Variants in CRTAC1 observed in about 807,000 individuals in gnomAD.
The protein encoded by CRTAC1 is acidic secreted protein in cartilage.
CRTAC1 carries 37 observed loss-of-function variants against 67.8 expected under a neutral mutation model. That is an observed-to-expected ratio of 0.55 (90% CI 0.42 to 0.72). The LOEUF (loss-of-function observed/expected upper bound fraction) is 0.72. Among genes scored for constraint, CRTAC1 ranks in the 30% least tolerant of loss-of-function variants. CRTAC1 has a pLI of 0.00. For synonymous variants in CRTAC1, 348 were observed against 371.0 expected, an observed-to-expected ratio of 0.94 and a Z score of 0.71; for missense variants, 780 against 931.6, an observed-to-expected ratio of 0.84 and a Z score of 2.12.
At chr10:97,981,135 G>T (rs2051885034) in intron 2 of CRTAC1, among the ~76,000 whole-genome samples, 1 of 152,106 alleles carries the variant, frequency 6.6e-6, no homozygotes, top group South Asian at 2.1e-4. Flanking sequence ...TCATCCTGAA[G>T]ATCTGAAATG....
intron 12 of CRTAC1, among the ~76,000 whole-genome samples, chr10:97,883,676 G>A (rs1564876441): frequency 6.6e-6 from 1 of 152,172 alleles, no homozygotes; most frequent in Admixed American, 6.5e-5. Flanking sequence ...CTTCATTTGT[G>A]TCAGTTTCAG....
rs541557449 is a variant in CRTAC1, at chr10:98,023,089, C to A, written c.24+7360G>T. 2.0e-5 allele frequency among the ~76,000 whole-genome samples: 3 copies of A among 152,262 alleles called. No homozygotes were observed. The South Asian group carries it at 6.2e-4, about 32-fold the overall frequency. On this transcript the variant is annotated intron_variant, in intron 1 of 14. Coordinates refer to ENST00000370597, the MANE Select transcript of CRTAC1 (RefSeq NM_018058.7). ...TTCCATGCAGTCTATCAGCTTCAAG[C>A]AAAGTAAACCTGCACTGAGCTTCCC...
chr10:97,888,706 G>A (rs1282242110), intron 11 of CRTAC1, among the ~76,000 whole-genome samples: 2 of 152,130 alleles, frequency 1.3e-5, no homozygotes, highest in Non-Finnish European at 2.9e-5. Context: ...ACGGGCTGAG[G>A]GGGACTGGCT....
chr10:97,957,047 C>T, intron 2 of CRTAC1, among the ~76,000 whole-genome samples: 1 of 151,652 alleles, frequency 6.6e-6, no homozygotes, highest in Middle Eastern at 3.2e-3. Context: ...AGCTCCTGGG[C>T]TCAGTGATCC....
chr10:98,008,456 C>A (rs1353637509), intron 2 of CRTAC1, among the ~76,000 whole-genome samples: 1 of 151,722 alleles, frequency 6.6e-6, no homozygotes, highest in Non-Finnish European at 1.5e-5. Context: ...GGGTCTCCTG[C>A]AACAGCCAGG....
At chr10:97,993,435 C>T (rs989522124) in intron 2 of CRTAC1, among the ~76,000 whole-genome samples, 3 of 152,198 alleles carry the variant, frequency 2.0e-5, no homozygotes, top group African/African-American at 7.2e-5. Flanking sequence ...AGTGTCTTCG[C>T]TGTAGCAAAT....
At chr10:97,922,021 C>G (rs1330663525) in intron 4 of CRTAC1, among the ~76,000 whole-genome samples, 7 of 152,108 alleles carry the variant, frequency 4.6e-5, no homozygotes, top group South Asian at 4.1e-4. Flanking sequence ...GCCTCTCCCC[C>G]CAGTTCTCTG....
At chr10:97,959,124 A>T (rs2051484867) in intron 2 of CRTAC1, among the ~76,000 whole-genome samples, 1 of 152,218 alleles carries the variant, frequency 6.6e-6, no homozygotes, top group South Asian at 2.1e-4. Context: ...ACCAGTAATA[A>T]GTAAATGGTA....
intron 11 of CRTAC1, among the ~76,000 whole-genome samples, chr10:97,892,561 G>C (rs1182855067): frequency 6.6e-6 from 1 of 152,202 alleles, no homozygotes; most frequent in East Asian, 1.9e-4. Flanking sequence ...TGTGTGGTTT[G>C]GGGCAAGTTA....
intron 7 of CRTAC1, among the ~76,000 whole-genome samples, chr10:97,902,892 G>T (rs1189024336): frequency 6.6e-6 from 1 of 151,946 alleles, no homozygotes; most frequent in Admixed American, 6.6e-5. Flanking sequence ...CTGGCCAGCT[G>T]GTCTGGGTGG....
At chr10:98,028,663 G>A (rs921114243) in intron 1 of CRTAC1, among the ~76,000 whole-genome samples, 3 of 152,246 alleles carry the variant, frequency 2.0e-5, no homozygotes, top group African/African-American at 7.2e-5. Flanking sequence ...GAGAAGGGAA[G>A]AAAGAGCAAC....
At position 97,923,424 on chromosome 10, in the gene CRTAC1, G is replaced by T. The variant is rs186950167; in HGVS notation, c.422-24C>A. ...CCCTGGAGAGAGGAGGAAAGGGAGG[G>T]CTGGTGGACAGTGGATCAGGGTCTT... On this transcript the variant is annotated intron_variant, in intron 3 of 14. Coordinates refer to ENST00000370597, the MANE Select transcript of CRTAC1 (RefSeq NM_018058.7). 18 of 1,613,998 alleles carry T rather than the reference G, an allele frequency of 1.1e-5. No homozygotes were observed. In the Admixed American group the frequency reaches 1.2e-4, roughly 10 times the overall value.
chr10:97,887,486 A>ACCCGGC (rs1304951539), intron 11 of CRTAC1, among the ~76,000 whole-genome samples: 30 of 152,024 alleles, frequency 2.0e-4, no homozygotes, highest in Non-Finnish European at 5.9e-5. Context: ...CAGGTGATCC[A>ACCCGGC]CCCAGCCTCG....
chr10:97,992,918 TAA>T lies in CRTAC1; in HGVS notation c.224+18218_224+18219del, dbSNP rs1842488212. 2.0e-5 allele frequency among the ~76,000 whole-genome samples: 3 copies of T among 152,234 alleles called. No homozygotes were observed. The South Asian group carries it at 6.2e-4, about 32-fold the overall frequency. On this transcript the variant is annotated intron_variant, in intron 2 of 14. Transcript: ENST00000370597. ...AATGTATTGTATTCTCCAAAATCAC[TAA>T]GAGAGTAGATTTTAAATATTCTTAT...
intron 2 of CRTAC1, among the ~76,000 whole-genome samples, chr10:97,999,763 G>A (rs759385478): frequency 1.6e-4 from 24 of 152,286 alleles, no homozygotes; most frequent in Admixed American, 3.9e-4. Context: ...ACCAATTGGC[G>A]TGCACTTCCT....
Position 98,015,957 on chromosome 10 carries a change from C to A in CRTAC1, c.25-4620G>T, listed in dbSNP as rs1248187835. ...ATTGGTTTAAGAACATTCTCCTCTG[C>A]CTCTGGATCTAAGGAGCTGAAATCA... is the stretch of plus-strand genomic sequence containing the variant. On this transcript the variant is annotated intron_variant, in intron 1 of 14. Coordinates refer to ENST00000370597, the MANE Select transcript of CRTAC1 (RefSeq NM_018058.7). Among the ~76,000 whole-genome samples, 3 of 152,204 alleles carry A rather than the reference C, an allele frequency of 2.0e-5. No homozygotes were observed. The East Asian group carries it at 5.8e-4, about 29-fold the overall frequency.
At chr10:97,995,890 G>A (rs1040493178) in intron 2 of CRTAC1, among the ~76,000 whole-genome samples, 1 of 152,146 alleles carries the variant, frequency 6.6e-6, no homozygotes, top group South Asian at 2.1e-4. Context: ...GCCAGGCACA[G>A]TGGCTCACAT....
intron 5 of CRTAC1, among the ~76,000 whole-genome samples, chr10:97,910,596 AG>A (rs2050677032): frequency 6.6e-6 from 1 of 152,256 alleles, no homozygotes; most frequent in African/African-American, 2.4e-5. Context: ...ACCTGTGTAA[AG>A]AAAGGCCAGG....
intron 14 of CRTAC1, chr10:97,869,601 AGGGTTTACAGAAG>A (rs2050069038): frequency 6.6e-6 from 1 of 152,350 alleles, no homozygotes; most frequent in Non-Finnish European, 1.5e-5. Context: ...GTGAAACCAC[AGGGTTTACAGAAG>A]CTCGAGGTGC....
Sources: gnomAD v4.1 joint callset for allele counts (sites outside exome capture counted in the v4.1 genomes callset) on GRCh38, gnomAD v4.1.1 for gene constraint, MANE v1.5 for transcripts, NCBI Gene and HGNC (gene_info 2026-07-23, HGNC 2026-07-21) for gene names.